Variants in PTPRH observed in about 807,000 individuals in gnomAD.
The protein encoded by PTPRH is receptor-type tyrosine-protein phosphatase H.
A neutral mutation model predicts 130.2 loss-of-function variants in PTPRH; 113 were observed. The observed-to-expected ratio is 0.87, with a 90% CI of 0.75 to 1.01. The LOEUF (loss-of-function observed/expected upper bound fraction) is 1.01. Ranked by LOEUF, PTPRH falls within the 50% of genes least tolerant of loss-of-function variation. The pLI is 0.00. For synonymous variants in PTPRH, 556 were observed against 577.9 expected (o/e 0.96, Z 0.54); for missense variants, 1,430 against 1,425.0 (o/e 1.00, Z -0.06).
Position 55,207,350 on chromosome 19 carries a change from TCGACCG to T in PTPRH, c.52-157_52-152del. 3 of 770,304 alleles carry T rather than the reference TCGACCG, an allele frequency of 3.9e-6. No homozygotes were observed. The East Asian group carries it at 8.2e-5, about 21-fold the overall frequency. 47.7% of individuals were successfully genotyped at this position (770,304 alleles called of 1,614,324 possible). A position where few individuals can be genotyped will look rare whatever the true frequency, so the allele number is the denominator to read the frequency against. ...GGTGTTAGGCTGGGCTGTCACGACC[TCGACCG>T]TCTTTCCTGGGTCGAGGAGAGAAGG... On this transcript the variant is annotated intron_variant, in intron 1 of 19. Coordinates refer to ENST00000376350, the MANE Select transcript of PTPRH (RefSeq NM_002842.5).
At chr19:55,187,206 G>A (rs1472347511) in intron 14 of PTPRH, among the ~76,000 whole-genome samples, 3 of 147,944 alleles carry the variant, frequency 2.0e-5, no homozygotes, top group East Asian at 4.1e-4. Context: ...TTAGCCGGGC[G>A]AGGTGGCGGG....
chr19:55,196,411 T>G, intron 10 of PTPRH, 111 bp downstream of exon 10: 1 of 1,338,060 alleles, frequency 7.5e-7, no homozygotes, highest in East Asian at 2.3e-5. Context: ...AAAAAAGATG[T>G]TTCAAAGGAA....
At position 55,181,752 on chromosome 19, in the gene PTPRH, A is replaced by ACTTAG. The variant is rs1316099490; in HGVS notation, c.3345_*1dup. 1 of 1,613,870 alleles carries ACTTAG rather than the reference A, an allele frequency of 6.2e-7. No individual in the cohort carries two copies. Among genetic ancestry groups the ACTTAG allele is most frequent in the Non-Finnish European group, 8.5e-7 (1 of 1,180,022 alleles). On this transcript the variant is annotated 3_prime_UTR_variant, in exon 20 of 20. Coordinates refer to ENST00000376350, the MANE Select transcript of PTPRH (RefSeq NM_002842.5). ...GGGCTGCCGACCCAGCCCCCTCGTC[A>ACTTAG]CTTAGACCTCCAACTTGTGGGCCTG...
intron 18 of PTPRH, among the ~76,000 whole-genome samples, chr19:55,184,183 C>A (rs1224163675): frequency 1.3e-5 from 2 of 152,144 alleles, no homozygotes; most frequent in East Asian, 3.9e-4. Context: ...ACTCAGGAGG[C>A]TGAGGCAGGA....
intron 5 of PTPRH, 37 bp from the exon 6 acceptor site, chr19:55,202,359 T>C (rs200731646): frequency 2.4e-5 from 38 of 1,608,984 alleles, no homozygotes; most frequent in Non-Finnish European, 3.2e-5. Context: ...CAGTTGTAGT[T>C]TCTGGCCCTC....
Position 55,191,382 on chromosome 19 carries a change from C to T in PTPRH, c.2384+119G>A, listed in dbSNP as rs1007832011. ...GGTCCCTGTCGCAGAGGCATGGGCC[C>T]CTTCTGAGACCTTTGTGGGTAAATG... is the stretch of plus-strand genomic sequence containing the variant. On this transcript the variant is annotated intron_variant, in intron 12 of 19. Coordinates refer to ENST00000376350, the MANE Select transcript of PTPRH (RefSeq NM_002842.5). The T allele has an allele frequency of 4.2e-6, 5 of 1,196,956 alleles. No individual in the cohort carries two copies. In the African/African-American group the frequency reaches 6.1e-5, roughly 14 times the overall value. 74.1% of individuals were successfully genotyped at this position (1,196,956 alleles called of 1,614,324 possible).
intron 14 of PTPRH, among the ~76,000 whole-genome samples, chr19:55,187,311 C>G (rs1312388332): frequency 8.2e-6 from 1 of 121,682 alleles, no homozygotes; most frequent in Non-Finnish European, 1.6e-5. Context: ...CGCCACTGCA[C>G]TCCAGCCTGG....
At position 55,206,897 on chromosome 19, in the gene PTPRH, C is replaced by T. The variant is rs2087081742; in HGVS notation, c.144G>A (p.Leu48=). 6.2e-7 allele frequency: 1 copy of T among 1,612,968 alleles called. No homozygotes were observed. Among genetic ancestry groups the T allele is most frequent in the African/African-American group, 1.3e-5 (1 of 75,022 alleles). ...VETQTTSSIS[L]SWEVPDGLDS... ...CTAGGCCATCGGGGACCTCCCAGCT[C>T]AGGGAGATGGAGCTGGTGGTCTGAG... The change falls in exon 3 of 20, where the codon CTG becomes CTA. Residue 48 remains leucine (L), a synonymous_variant. Coordinates refer to ENST00000376350, the MANE Select transcript of PTPRH (RefSeq NM_002842.5).
chr19:55,199,942 A>G (rs2122184434), intron 7 of PTPRH, among the ~76,000 whole-genome samples: 1 of 151,590 alleles, frequency 6.6e-6, no homozygotes, highest in Middle Eastern at 3.4e-3. Flanking sequence ...GCGAGAAAGG[A>G]AGGAAGAAAG....
intron 12 of PTPRH, among the ~76,000 whole-genome samples, chr19:55,190,318 C>T (rs1417475125): frequency 4.1e-5 from 6 of 146,690 alleles, no homozygotes; most frequent in Admixed American, 3.5e-4. Flanking sequence ...TGCGGTGAGC[C>T]GAGATCATGC....
Position 55,198,853 on chromosome 19 carries a change from G to T in PTPRH, c.1480C>A (p.Arg494Ser), listed in dbSNP as rs369140474. 17 of 1,578,294 alleles carry T rather than the reference G, an allele frequency of 1.1e-5. No individual in the cohort carries two copies. Among genetic ancestry groups the T allele is most frequent in the Non-Finnish European group, 1.7e-6 (2 of 1,159,918 alleles). ...QDWTNSTIAL[R>S]WTAPQGPGQS... The stretch of plus-strand genomic sequence containing the variant: ...CCTGGGCCCTGGGGAGCTGTCCAGC[G>T]CAAAGCAATGGTGCTGTTGGTCCAG... The change falls in exon 8 of 20, where the codon CGC (arginine) becomes AGC (serine). Residue 494 changes from arginine to serine, a missense_variant. Arg to Ser is a moderately radical substitution (Grantham distance 110). Transcript: ENST00000376350.
chr19:55,187,636 T>C, intron 13 of PTPRH, 33 bp from the exon 14 acceptor site: 1 of 1,526,734 alleles, frequency 6.5e-7, no homozygotes, highest in Non-Finnish European at 9.1e-7. Flanking sequence ...TACCTGGTGT[T>C]GGATTTTCTC....
chr19:55,203,359 G>A (rs1214660096), intron 5 of PTPRH, among the ~76,000 whole-genome samples: 3 of 150,894 alleles, frequency 2.0e-5, no homozygotes, highest in South Asian at 2.1e-4. Flanking sequence ...TATCTGATGG[G>A]CTACATAAAA....
chr19:55,203,095 A>C lies in PTPRH; in HGVS notation c.886+687T>G, dbSNP rs8111639. Among the ~76,000 whole-genome samples the C allele has an allele frequency of 8.9e-3, 1,350 of 151,272 alleles. 10 individuals are homozygous for C. Among genetic ancestry groups the C allele is most frequent in the Admixed American group, 0.014 (218 of 15,236 alleles). ...TGTAATCCCAGCACTTTGGGAGGCC[A>C]AGGCGGGTGGATCACAAGGTCAGGA... is the stretch of plus-strand genomic sequence containing the variant. On this transcript the variant is annotated intron_variant, in intron 5 of 19. Transcript: ENST00000376350.
chr19:55,195,033 T>C (rs935592667), intron 10 of PTPRH, among the ~76,000 whole-genome samples: 2 of 152,030 alleles, frequency 1.3e-5, no homozygotes, highest in African/African-American at 2.4e-5. Flanking sequence ...ACTAAAAAAA[T>C]TTAAAAATTA....
In PTPRH at chr19:55,209,361, G is replaced by C. The variant is rs377404690; in HGVS notation, c.51+22C>G. ...CTGGGAGTCCCTGCCTTGGGAGCCC[G>C]CTCTGGGCGGGGAGCACTTACCAGC... On this transcript the variant is annotated intron_variant, in intron 1 of 19. Transcript: ENST00000376350. The surrounding 1 kb of genome is among the most constrained non-coding windows in gnomAD (Gnocchi z 4.1). The C allele has an allele frequency of 3.7e-5, 58 of 1,558,268 alleles. No homozygotes were observed. In the African/African-American group the frequency reaches 7.3e-4, roughly 20 times the overall value.
chr19:55,185,692 G>C, intron 17 of PTPRH, 30 bp from the exon 18 acceptor site: 1 of 1,611,010 alleles, frequency 6.2e-7, no homozygotes, highest in Non-Finnish European at 8.5e-7. Context: ...ACAGGCTCTG[G>C]AGATGAATGT....
At chr19:55,197,824 C>T (rs1194967956) in intron 8 of PTPRH, among the ~76,000 whole-genome samples, 1 of 152,144 alleles carries the variant, frequency 6.6e-6, no homozygotes, top group African/African-American at 2.4e-5. Flanking sequence ...CCACAGGAAC[C>T]CCAGGTAGGG....
intron 12 of PTPRH, among the ~76,000 whole-genome samples, chr19:55,189,556 A>T (rs962312164): frequency 2.6e-5 from 4 of 152,078 alleles, no homozygotes; most frequent in Non-Finnish European, 4.4e-5. Context: ...CAGGCCCTCC[A>T]CGCGCCCATC....
Sources: allele counts gnomAD v4.1 joint callset (sites outside exome capture counted in the v4.1 genomes callset), GRCh38; gene constraint gnomAD v4.1.1; non-coding constraint Gnocchi (gnomAD v3.1); transcripts MANE v1.5; gene names NCBI Gene and HGNC (gene_info 2026-07-23, HGNC 2026-07-21).